The following RELN variants were observed in gnomAD, a reference collection of about 807,000 sequenced individuals.
RELN encodes the protein reelin.
A neutral mutation model predicts 427.6 loss-of-function variants in RELN; 108 were observed. The observed-to-expected ratio is 0.25, with a 90% CI of 0.22 to 0.30. The LOEUF (loss-of-function observed/expected upper bound fraction) is 0.30. RELN is among the 10% of genes least tolerant of loss of function. RELN has a pLI of 1.00. For synonymous variants in RELN, 1,524 were observed against 1,513.4 expected (o/e 1.01, Z -0.16); for missense variants, 3,715 against 4,302.8 (o/e 0.86, Z 3.82).
chr7:103,940,484 T>C (rs1306117945), intron 1 of RELN, among the ~76,000 whole-genome samples: 3 of 152,192 alleles, frequency 2.0e-5, no homozygotes, highest in Non-Finnish European at 4.4e-5. Context: ...AAGTAATCAC[T>C]AAAAACACAA....
chr7:103,893,887 C>T (rs574834519), intron 2 of RELN, among the ~76,000 whole-genome samples: 40 of 152,212 alleles, frequency 2.6e-4, no homozygotes, highest in African/African-American at 9.1e-4. Flanking sequence ...AGTGATTCCC[C>T]ATCATAAGAG....
intron 6 of RELN, among the ~76,000 whole-genome samples, chr7:103,748,539 T>G (rs1052322229): frequency 2.0e-5 from 3 of 152,206 alleles, no homozygotes; most frequent in Admixed American, 2.0e-4. Context: ...CTTAGTGTCT[T>G]CTCTACTAAA....
At chr7:103,767,387 T>A (rs1791453175) in intron 4 of RELN, among the ~76,000 whole-genome samples, 1 of 152,178 alleles carries the variant, frequency 6.6e-6, no homozygotes, top group East Asian at 1.9e-4. Context: ...AGCTTTGAAT[T>A]CTAGGCCTGC....
At chr7:103,974,049 A>C (rs933149616) in intron 1 of RELN, among the ~76,000 whole-genome samples, 1 of 152,222 alleles carries the variant, frequency 6.6e-6, no homozygotes, top group Non-Finnish European at 1.5e-5. Flanking sequence ...AGGCTGAGGC[A>C]CAAGAATTGC....
chr7:103,875,409 G>T (rs911689298), intron 2 of RELN, among the ~76,000 whole-genome samples: 1 of 152,100 alleles, frequency 6.6e-6, no homozygotes, highest in African/African-American at 2.4e-5. Context: ...ACTACCATCA[G>T]AGTGAACAGG....
chr7:103,757,151 G>C (rs1416656174), intron 4 of RELN, among the ~76,000 whole-genome samples: 1 of 152,106 alleles, frequency 6.6e-6, no homozygotes, highest in Non-Finnish European at 1.5e-5. Context: ...CCTCATACTA[G>C]TGACTATGAG....
chr7:103,913,483 A>G (rs577890926), intron 2 of RELN, among the ~76,000 whole-genome samples: 1 of 152,310 alleles, frequency 6.6e-6, no homozygotes, highest in Non-Finnish European at 1.5e-5. Flanking sequence ...TATGTATTCA[A>G]TAACTCTTTT....
intron 1 of RELN, among the ~76,000 whole-genome samples, chr7:103,985,487 C>T (rs1797078171): frequency 6.6e-6 from 1 of 152,150 alleles, no homozygotes; most frequent in Non-Finnish European, 1.5e-5. Context: ...TAATGGCTGA[C>T]CTCTCCTTTT....
chr7:103,816,456 C>A (rs1450109475), intron 3 of RELN, among the ~76,000 whole-genome samples: 1 of 150,934 alleles, frequency 6.6e-6, no homozygotes, highest in Non-Finnish European at 1.5e-5. Context: ...GTGAAAAAAT[C>A]AATATGCACA....
At chr7:103,839,143 T>A (rs39381) in intron 2 of RELN, among the ~76,000 whole-genome samples, 1,828 of 152,250 alleles carry the variant, frequency 0.012, 14 homozygotes, top group Non-Finnish European at 0.017. Context: ...ATGGTGTCAA[T>A]GTACAGTTTG....
At chr7:103,709,096 C>T (rs1789723283) in intron 8 of RELN, among the ~76,000 whole-genome samples, 3 of 152,056 alleles carry the variant, frequency 2.0e-5, no homozygotes, top group Non-Finnish European at 2.9e-5. Flanking sequence ...AGTTAAACTC[C>T]AGGAAGAGTG....
chr7:103,884,147 T>A (rs1341816375), intron 2 of RELN, among the ~76,000 whole-genome samples: 1 of 152,136 alleles, frequency 6.6e-6, no homozygotes, highest in East Asian at 1.9e-4. Flanking sequence ...AACCATCTGA[T>A]CTTTGACAAA....
At chr7:103,967,114 G>A (rs1276103666) in intron 1 of RELN, among the ~76,000 whole-genome samples, 1 of 151,156 alleles carries the variant, frequency 6.6e-6, no homozygotes, top group African/African-American at 2.5e-5. Flanking sequence ...TACAGGCACT[G>A]ACTAAGATAT....
rs960128595 is a variant in RELN, at chr7:103,721,976, A to T, written c.805+1164T>A. On this transcript the variant is annotated intron_variant, in intron 8 of 64. Transcript: ENST00000428762. ...CATTACGTGTTTGCTACAGAACAGG[A>T]TACACTTGTTAATAAGTCAAAGAAA... Among the ~76,000 whole-genome samples the T allele has an allele frequency of 3.3e-5, 5 of 152,324 alleles. No individual in the cohort carries two copies. The East Asian group carries it at 5.8e-4, about 18-fold the overall frequency.
intron 11 of RELN, among the ~76,000 whole-genome samples, chr7:103,669,050 C>T (rs1833333099): frequency 6.6e-6 from 1 of 152,092 alleles, no homozygotes; most frequent in South Asian, 2.1e-4. Context: ...GTTATTATCA[C>T]TTCTACCACA....
intron 2 of RELN, among the ~76,000 whole-genome samples, chr7:103,864,160 TGAA>T (rs1209684215): frequency 6.6e-6 from 1 of 152,178 alleles, no homozygotes; most frequent in East Asian, 1.9e-4. Context: ...CAACCGTAAT[TGAA>T]ATCTCATAAC....
At chr7:103,833,764 A>G (rs1292849821) in intron 2 of RELN, 92 bp from the exon 3 acceptor site, 23 of 1,290,364 alleles carry the variant, frequency 1.8e-5, no homozygotes, top group Non-Finnish European at 2.4e-5. Context: ...TTTTTCTTTC[A>G]TGTTAAGGTT....
chr7:103,566,764 G>A lies in RELN; in HGVS notation c.4589-5C>T, dbSNP rs1830762599. ...TTGAATACTGAACAATAAGCCCTGA[G>A]TTAAAAGACATAAATCCAGTTATTT... On this transcript the variant is annotated splice_polypyrimidine_tract_variant and splice_region_variant and intron_variant, in intron 31 of 64. Coordinates refer to ENST00000428762, the MANE Select transcript of RELN (RefSeq NM_005045.4). 2 of 1,613,578 alleles carry A rather than the reference G, an allele frequency of 1.2e-6. No homozygotes were observed. Among genetic ancestry groups the A allele is most frequent in the South Asian group, 2.2e-5 (2 of 91,072 alleles).
rs539590734 is a variant in RELN at position 103,726,638 on chromosome 7, T to C, written c.753+1473A>G. 9.6e-4 allele frequency among the ~76,000 whole-genome samples: 146 copies of C among 152,252 alleles called. 1 individual carries two copies. The highest frequency in any genetic ancestry group is 3.4e-3 in the African/African-American group (143 of 41,578). ...TTTTGGCATTATATTCTTAGATATT[T>C]TTATTTCCTATTAACCAGTGGCAAC... is the stretch of plus-strand genomic sequence containing the variant. On this transcript the variant is annotated intron_variant, in intron 7 of 64. Coordinates refer to ENST00000428762, the MANE Select transcript of RELN (RefSeq NM_005045.4).
Sources: gnomAD v4.1 joint callset for allele counts (sites outside exome capture counted in the v4.1 genomes callset) on GRCh38, gnomAD v4.1.1 for gene constraint, MANE v1.5 for transcripts, NCBI Gene and HGNC (gene_info 2026-07-23, HGNC 2026-07-21) for gene names.